Variants in PALM observed in about 807,000 individuals in gnomAD.
The protein encoded by PALM is paralemmin.
Under a neutral mutation model 30.7 loss-of-function variants are expected in PALM, and 18 were observed. That is an observed-to-expected ratio of 0.59 (90% CI 0.41 to 0.87). PALM has a LOEUF of 0.87. PALM is among the 40% of genes least tolerant of loss of function. PALM has a pLI of 0.00. For missense variants in PALM, 529 were observed against 555.4 expected, an observed-to-expected ratio of 0.95 and a Z score of 0.48; for synonymous variants, 286 against 242.8, an observed-to-expected ratio of 1.18 and a Z score of -1.66.
intron 1 of PALM, chr19:722,864 G>C (rs2032535342): frequency 6.6e-6 from 1 of 152,348 alleles, no homozygotes; most frequent in African/African-American, 2.4e-5. Context: ...AAGCCACAGA[G>C]GGCGCAGCTG....
chr19:729,450 C>T (rs1003015507), intron 4 of PALM, among the ~76,000 whole-genome samples: 27 of 145,938 alleles, frequency 1.9e-4, no homozygotes, highest in Middle Eastern at 3.5e-3. Context: ...AAAAATCCCA[C>T]GGTGCGTCTT....
intron 1 of PALM, among the ~76,000 whole-genome samples, chr19:724,843 C>T (rs892001379): frequency 7.3e-5 from 11 of 150,032 alleles, no homozygotes; most frequent in Admixed American, 1.3e-4. Flanking sequence ...AGGCTGGTCT[C>T]GAACTCCTGG....
chr19:727,119 G>A (rs1262989666), intron 3 of PALM, 31 bp downstream of exon 3: 202 of 1,438,242 alleles, frequency 1.4e-4, no homozygotes, highest in Non-Finnish European at 1.9e-4. Flanking sequence ...CAGGGTCAGG[G>A]AGTGCAGGCG....
At position 742,237 on chromosome 19, in the gene PALM, C is replaced by T. The variant is rs1465902384; in HGVS notation, c.634+1754C>T. 1.3e-5 allele frequency among the ~76,000 whole-genome samples: 2 copies of T among 152,150 alleles called. No homozygotes were observed. Among genetic ancestry groups the T allele is most frequent in the Non-Finnish European group, 2.9e-5 (2 of 68,034 alleles). ...CTCCCCAGTCAGCGTCACTCCCTAT[C>T]CCCTCCCCAGCTCTGGCACCCACGC... On this transcript the variant is annotated intron_variant, in intron 8 of 8. Coordinates refer to ENST00000338448, the MANE Select transcript of PALM (RefSeq NM_002579.3). The surrounding 1 kb of genome is among the most constrained non-coding windows in gnomAD (Gnocchi z 5.5).
rs559543186 is a variant in PALM at position 710,272 on chromosome 19, C to T, written c.5+1121C>T. Among the ~76,000 whole-genome samples the T allele has an allele frequency of 3.3e-5, 5 of 152,354 alleles. No homozygotes were observed. In the South Asian group the frequency reaches 6.2e-4, roughly 19 times the overall value. ...CTGGGTGGGGGCCGCTGCCTCCCTC[C>T]CTCCCTGGGAAAGCGAGACACCCAG... On this transcript the variant is annotated intron_variant, in intron 1 of 8. Transcript: ENST00000338448.
chr19:729,309 G>T (rs1392126449), intron 4 of PALM, among the ~76,000 whole-genome samples: 1 of 151,738 alleles, frequency 6.6e-6, no homozygotes, highest in East Asian at 2.0e-4. Flanking sequence ...CTGGGGGACA[G>T]AGCGAGAATC....
At chr19:738,200 G>A (rs10405698) in intron 7 of PALM, among the ~76,000 whole-genome samples, 44,836 of 151,862 alleles carry the variant, frequency 0.3, 6,692 homozygotes, top group Middle Eastern at 0.41. Context: ...AGACCAGCCT[G>A]AGCAACATGG....
chr19:712,531 C>A (rs1008420389), intron 1 of PALM, among the ~76,000 whole-genome samples: 2 of 151,120 alleles, frequency 1.3e-5, no homozygotes, highest in African/African-American at 4.9e-5. Flanking sequence ...CTGCAGGCGC[C>A]CACCATCACG....
At chr19:722,174 T>C (rs1301103379) in intron 1 of PALM, among the ~76,000 whole-genome samples, 2 of 152,134 alleles carry the variant, frequency 1.3e-5, no homozygotes, top group African/African-American at 2.4e-5. Context: ...CGCCTCGGCC[T>C]CCCAAAGTGC....
intron 8 of PALM, among the ~76,000 whole-genome samples, chr19:745,626 C>A (rs60255598): frequency 0.025 from 3,612 of 143,274 alleles, 139 homozygotes; most frequent in African/African-American, 0.09. Flanking sequence ...ACTAGGGAGG[C>A]GGAGGTTGCG....
chr19:719,222 C>T (rs895795600), intron 1 of PALM: 1 of 985,592 alleles, frequency 1.0e-6, no homozygotes, highest in Non-Finnish European at 1.2e-6. Flanking sequence ...CCGCCTCGGA[C>T]AGGGCCCGCC....
intron 6 of PALM, 101 bp from the exon 7 acceptor site, chr19:735,918 G>A: frequency 1.1e-6 from 1 of 944,610 alleles, no homozygotes; most frequent in Admixed American, 2.2e-5. Context: ...GCATGTGGGA[G>A]TCCGGATGCA....
chr19:711,787 G>A (rs545331483), intron 1 of PALM, among the ~76,000 whole-genome samples: 4 of 152,206 alleles, frequency 2.6e-5, no homozygotes, highest in East Asian at 1.9e-4. Flanking sequence ...AGGAGGTGGC[G>A]GAACATGGGA....
chr19:727,931 A>G (rs949305913), intron 4 of PALM: 3 of 531,886 alleles, frequency 5.6e-6, no homozygotes, highest in African/African-American at 3.9e-5. Context: ...GGCCTCAGGC[A>G]GGGAGATACC....
rs1022310604 is a variant in PALM at position 743,278 on chromosome 19, G to A, written c.634+2795G>A. On this transcript the variant is annotated intron_variant, in intron 8 of 8. Transcript: ENST00000338448. ...TGGCCCTGGGAAGTCCCCATGCCTC[G>A]TCTTCCGGATGAGGTCCTCACCCCC... Among the ~76,000 whole-genome samples, 14 of 152,122 alleles carry A rather than the reference G, an allele frequency of 9.2e-5. 1 individual carries two copies. The highest frequency in any genetic ancestry group is 5.2e-4 in the Admixed American group (8 of 15,276).
At position 737,907 on chromosome 19, in the gene PALM, G is replaced by A. The variant is rs1274733961; in HGVS notation, c.502+1829G>A. On this transcript the variant is annotated intron_variant, in intron 7 of 8. Transcript: ENST00000338448. Reference sequence around the variant, plus strand: ...ACCATGGGGGGCTGCAGGCAAAGCCGGGACTGCCCCGACTCCGTGCTCACC... The same window carrying A: ...ACCATGGGGGGCTGCAGGCAAAGCCAGGACTGCCCCGACTCCGTGCTCACC... Among the ~76,000 whole-genome samples the A allele has an allele frequency of 4.6e-5, 7 of 152,308 alleles. 1 individual carries two copies. Among genetic ancestry groups the A allele is most frequent in the Middle Eastern group, 6.8e-3 (2 of 294 alleles).
chr19:728,037 G>C (rs2032747996), intron 4 of PALM, among the ~76,000 whole-genome samples: 1 of 125,120 alleles, frequency 8.0e-6, no homozygotes, highest in Non-Finnish European at 1.6e-5. Context: ...GTGACGTCGA[G>C]CTCGTGGGTC....
chr19:727,509 C>G, intron 3 of PALM, 55 bp from the exon 4 acceptor site: 1 of 1,442,180 alleles, frequency 6.9e-7, no homozygotes, highest in Non-Finnish European at 9.6e-7. Context: ...AGTCTTAAGT[C>G]TTAACCCTGG....
chr19:710,653 C>G (rs79892802), intron 1 of PALM, among the ~76,000 whole-genome samples: 8,115 of 74,918 alleles, frequency 0.11, 104 homozygotes, highest in African/African-American at 0.16. Context: ...GAGCTGCTGC[C>G]CCCCCCCCAC....
Sources: allele counts gnomAD v4.1 joint callset (sites outside exome capture counted in the v4.1 genomes callset), GRCh38; gene constraint gnomAD v4.1.1; non-coding constraint Gnocchi (gnomAD v3.1); transcripts MANE v1.5; gene names NCBI Gene and HGNC (gene_info 2026-07-23, HGNC 2026-07-21).